CST9L: variants seen among roughly 807,000 people sequenced by gnomAD.
The protein encoded by CST9L is cystatin-9-like.
Under a neutral mutation model 13.2 loss-of-function variants are expected in CST9L, and 17 were observed. The observed-to-expected ratio is 1.29, with a 90% CI of 0.88 to 1.93. CST9L has a LOEUF of 1.93. Among genes scored for constraint, CST9L ranks in the 30% most tolerant of loss-of-function variants. The pLI is 0.00. For synonymous variants in CST9L, 78 were observed against 69.1 expected (o/e 1.13, Z -0.64); for missense variants, 170 against 170.5 (o/e 1.00, Z 0.02).
At chr20:23,567,133 G>T (rs13040567) in intron 1 of CST9L, among the ~76,000 whole-genome samples, 1 of 152,028 alleles carries the variant, frequency 6.6e-6, no homozygotes, top group South Asian at 2.1e-4. Flanking sequence ...GAAGCTTGGT[G>T]CAGGGTTGGG....
Position 23,564,882 on chromosome 20 carries a change from G to A in CST9L, c.*66C>T. ...TGCTCAGCCACTGAAGAGTCCTCAG[G>A]AGAGTAGTGCTGATGTCCACGGAAT... is the stretch of plus-strand genomic sequence containing the variant. On this transcript the variant is annotated 3_prime_UTR_variant, in exon 3 of 3. Transcript: ENST00000376979. 9.0e-7 allele frequency: 1 copy of A among 1,113,944 alleles called. No individual in the cohort carries two copies. Among genetic ancestry groups the A allele is most frequent in the Non-Finnish European group, 1.4e-6 (1 of 723,002 alleles). 69.0% of individuals were successfully genotyped at this position (1,113,944 alleles called of 1,614,324 possible).
chr20:23,568,482 C>A lies in CST9L; in HGVS notation c.-32G>T, dbSNP rs202225003. The A allele has an allele frequency of 2.5e-5, 40 of 1,605,788 alleles. No individual in the cohort carries two copies. Among genetic ancestry groups the A allele is most frequent in the Admixed American group, 1.0e-4 (6 of 59,096 alleles). ...GACTGTAGGCACCGCTGACTTTGCT[C>A]TTCCCAGCCCCCGTGCCCACAGGAG... On this transcript the variant is annotated 5_prime_UTR_variant, in exon 1 of 3. Coordinates refer to ENST00000376979, the MANE Select transcript of CST9L (RefSeq NM_080610.3).
At chr20:23,565,101 C>T (rs941050763) in intron 2 of CST9L, 64 bp from the exon 3 acceptor site, 9 of 1,168,442 alleles carry the variant, frequency 7.7e-6, no homozygotes, top group African/African-American at 6.0e-5. Context: ...ATGGCTCAAG[C>T]TCTGAACAAT....
intron 1 of CST9L, among the ~76,000 whole-genome samples, chr20:23,566,504 C>T (rs1481752075): frequency 6.6e-6 from 1 of 151,706 alleles, no homozygotes; most frequent in Non-Finnish European, 1.5e-5. Context: ...AAACCTTCCA[C>T]CTGACCTGAG....
intron 2 of CST9L, among the ~76,000 whole-genome samples, chr20:23,565,697 G>T (rs1485987110): frequency 6.6e-6 from 1 of 152,184 alleles, no homozygotes; most frequent in Non-Finnish European, 1.5e-5. Context: ...GACCCCAGGG[G>T]GAAAGAGCAG....
In CST9L at chr20:23,565,310, C is replaced by T. The variant is rs190553777; in HGVS notation, c.355-273G>A. ...GCCCTCAGGGGAACCCCGGGCTGTC[C>T]TGGTGTGATCCCTGCACCCAAGAGC... On this transcript the variant is annotated intron_variant, in intron 2 of 2. Coordinates refer to ENST00000376979, the MANE Select transcript of CST9L (RefSeq NM_080610.3). 3.6e-3 allele frequency among the ~76,000 whole-genome samples: 554 copies of T among 152,336 alleles called. 1 individual carries two copies. Among genetic ancestry groups the T allele is most frequent in the Middle Eastern group, 6.8e-3 (2 of 294 alleles).
At chr20:23,565,848 C>T (rs540939151) in intron 2 of CST9L, 126 bp downstream of exon 2, 11 of 722,382 alleles carry the variant, frequency 1.5e-5, no homozygotes, top group East Asian at 2.5e-5. Flanking sequence ...ACAAGCAGGG[C>T]AGCCTGGTAG....
chr20:23,566,527 G>T (rs745514803), intron 1 of CST9L, among the ~76,000 whole-genome samples: 4 of 152,028 alleles, frequency 2.6e-5, no homozygotes, highest in African/African-American at 4.8e-5. Context: ...AAAAAAAAAT[G>T]CAAGAATGCC....
In CST9L at chr20:23,564,869, GAA is replaced by G. The variant is rs1989068644; in HGVS notation, c.*77_*78del. 1.0e-6 allele frequency: 1 copy of G among 984,816 alleles called. No individual in the cohort carries two copies. The highest frequency in any genetic ancestry group is 1.6e-6 in the Non-Finnish European group (1 of 606,672). 61.0% of individuals were successfully genotyped at this position (984,816 alleles called of 1,614,324 possible). A position where few individuals can be genotyped will look rare whatever the true frequency, so the allele number is the denominator to read the frequency against. On this transcript the variant is annotated 3_prime_UTR_variant, in exon 3 of 3. Coordinates refer to ENST00000376979, the MANE Select transcript of CST9L (RefSeq NM_080610.3). ...ACAAGTCCAAAGCTGCTCAGCCACT[GAA>G]GAGTCCTCAGGAGAGTAGTGCTGAT...
At position 23,564,917 on chromosome 20, in the gene CST9L, G is replaced by A. The variant is rs143008910; in HGVS notation, c.*31C>T. On this transcript the variant is annotated 3_prime_UTR_variant, in exon 3 of 3. Coordinates refer to ENST00000376979, the MANE Select transcript of CST9L (RefSeq NM_080610.3). ...CTGATGTCCACGGAATGTGGGAGCA[G>A]CACATGGACAAGCCTGTGAGTGGGT... is the stretch of plus-strand genomic sequence containing the variant. 582 of 1,473,180 alleles carry A rather than the reference G, an allele frequency of 4.0e-4. 1 individual carries two copies. Among genetic ancestry groups the A allele is most frequent in the Non-Finnish European group, 5.0e-4 (522 of 1,051,532 alleles). 91.3% of individuals were successfully genotyped at this position (1,473,180 alleles called of 1,614,324 possible).
intron 1 of CST9L, among the ~76,000 whole-genome samples, chr20:23,567,899 T>C (rs1488360661): frequency 6.6e-6 from 1 of 152,202 alleles, no homozygotes; most frequent in African/African-American, 2.4e-5. Flanking sequence ...TCAGCCCTTT[T>C]CCTTATTCCG....
chr20:23,566,291 A>T (rs756029713), intron 1 of CST9L, among the ~76,000 whole-genome samples: 5 of 151,952 alleles, frequency 3.3e-5, no homozygotes, highest in African/African-American at 4.8e-5. Flanking sequence ...CAGGGCAGAC[A>T]CCCATGAATG....
At chr20:23,565,862 C>A in intron 2 of CST9L, 112 bp downstream of exon 2, 2 of 751,270 alleles carry the variant, frequency 2.7e-6, no homozygotes, top group Non-Finnish European at 4.9e-6. Flanking sequence ...CTGGTAGAGG[C>A]TGCTGCAGGC....
chr20:23,566,933 G>C lies in CST9L; in HGVS notation c.241-846C>G, dbSNP rs564145550. ...GAAACACCATCTGCCCTATTGCAAA[G>C]TGCACCTTGATCTTCTCACTCCTTT... On this transcript the variant is annotated intron_variant, in intron 1 of 2. Coordinates refer to ENST00000376979, the MANE Select transcript of CST9L (RefSeq NM_080610.3). Among the ~76,000 whole-genome samples the C allele has an allele frequency of 2.0e-5, 3 of 152,202 alleles. No individual in the cohort carries two copies. The East Asian group carries it at 5.8e-4, about 29-fold the overall frequency.
intron 1 of CST9L, 152 bp downstream of exon 1, chr20:23,568,059 A>G: frequency 1.4e-6 from 1 of 718,198 alleles, no homozygotes; most frequent in East Asian, 2.7e-5. Flanking sequence ...TTCAAAATCA[A>G]AAACTAACTA....
rs367975014 is a variant in CST9L, at chr20:23,564,985, C to T, written c.407G>A (p.Ser136Asn). The T allele has an allele frequency of 1.9e-6, 3 of 1,613,902 alleles. No homozygotes were observed. The highest frequency in any genetic ancestry group is 2.7e-5 in the African/African-American group (2 of 74,910). ...CTCCAAGCAGGTCTTGTTCAGGAGG[C>T]TGAACTGAGTCATCCAGGGCCTGGT... ...ISTRPWMTQF[S>N]LLNKTCLEGF... is the part of the protein sequence containing the mutation. The change falls in exon 3 of 3, where the codon AGC becomes AAC. Residue 136 changes from serine (S) to asparagine (N), a missense_variant. By Grantham distance (46) the Ser-to-Asn change is conservative. Transcript: ENST00000376979.
chr20:23,568,406 C>A lies in CST9L; in HGVS notation c.45G>T (p.Leu15=). The A allele has an allele frequency of 6.2e-7, 1 of 1,614,162 alleles. No homozygotes were observed. The highest frequency in any genetic ancestry group is 8.5e-7 in the Non-Finnish European group (1 of 1,180,020). Residue 15 remains leucine (L), a synonymous_variant, in exon 1 of 3, where the codon CTG becomes CTT. Transcript: ENST00000376979. ...PWKGGLSWAL[L]LLLLGSQILL... ...GGATCTGGGAGCCTAAGAGAAGCAG[C>A]AGCAGCGCCCAGGACAGACCTCCCT...
chr20:23,565,418 T>A (rs927990505), intron 2 of CST9L, among the ~76,000 whole-genome samples: 3 of 151,936 alleles, frequency 2.0e-5, no homozygotes, highest in Non-Finnish European at 2.9e-5. Context: ...ACAATAAGGG[T>A]GTTGATTAAG....
At chr20:23,565,370 C>T (rs1275791259) in intron 2 of CST9L, among the ~76,000 whole-genome samples, 1 of 152,156 alleles carries the variant, frequency 6.6e-6, no homozygotes, top group Non-Finnish European at 1.5e-5. Context: ...GGAAGCAGTT[C>T]CCAGATTTAA....
Sources: gnomAD v4.1 joint callset for allele counts (sites outside exome capture counted in the v4.1 genomes callset) on GRCh38, gnomAD v4.1.1 for gene constraint, MANE v1.5 for transcripts, NCBI Gene and HGNC (gene_info 2026-07-23, HGNC 2026-07-21) for gene names.